Variants in CLEC4C observed in about 807,000 individuals in gnomAD.
CLEC4C encodes C-type lectin domain family 4 member C, also known as C-type (calcium dependent, carbohydrate-recognition domain) lectin, superfamily member 11.
CLEC4C carries 17 observed loss-of-function variants against 27.7 expected under a neutral mutation model. That is an observed-to-expected ratio of 0.61 (90% CI 0.42 to 0.92). The LOEUF is 0.92. CLEC4C is among the 40% of genes least tolerant of loss of function. The pLI, the probability that CLEC4C is intolerant of heterozygous loss-of-function variation, is 0.00. For missense variants in CLEC4C, 244 were observed against 257.3 expected, an observed-to-expected ratio of 0.95 and a Z score of 0.35; for synonymous variants, 80 against 80.8, an observed-to-expected ratio of 0.99 and a Z score of 0.06.
chr12:7,733,080 A>C (rs1864638972), intron 4 of CLEC4C, among the ~76,000 whole-genome samples: 1 of 152,032 alleles, frequency 6.6e-6, no homozygotes, highest in Non-Finnish European at 1.5e-5. Context: ...TACTACTGTG[A>C]GGAAGATAGT....
chr12:7,739,358 G>A (rs774455594), intron 3 of CLEC4C, among the ~76,000 whole-genome samples: 106 of 152,056 alleles, frequency 7.0e-4, no homozygotes, highest in African/African-American at 2.3e-3. Flanking sequence ...TGATCCGCCC[G>A]CCTCGGCCTC....
chr12:7,741,192 A>G (rs1191771722), intron 3 of CLEC4C, among the ~76,000 whole-genome samples: 3 of 152,056 alleles, frequency 2.0e-5, no homozygotes, highest in Non-Finnish European at 4.4e-5. Context: ...CTCAAACTCC[A>G]GACCCTCAGG....
upstream of CLEC4C, chr12:7,748,972 G>T (rs1865045010): frequency 6.6e-6 from 1 of 152,192 alleles, no homozygotes; most frequent in African/African-American, 2.4e-5. Context: ...ATCTAGATAA[G>T]AATTGGTAGA....
chr12:7,740,250 T>C (rs1451135563), intron 3 of CLEC4C, among the ~76,000 whole-genome samples: 2 of 152,102 alleles, frequency 1.3e-5, no homozygotes, highest in Admixed American at 6.6e-5. Flanking sequence ...AGCACTGGGA[T>C]TACAGATGTG....
chr12:7,744,009 G>A (rs7137970), intron 2 of CLEC4C, among the ~76,000 whole-genome samples: 33,217 of 152,070 alleles, frequency 0.22, 4,331 homozygotes, highest in Admixed American at 0.31. Context: ...GTGCAAGAGA[G>A]AGTGAGGGGG....
intron 2 of CLEC4C, 35 bp downstream of exon 2, chr12:7,746,296 A>C (rs991404599): frequency 8.4e-7 from 1 of 1,190,058 alleles, no homozygotes; most frequent in Non-Finnish European, 1.2e-6. Flanking sequence ...TGGGAAAAGG[A>C]CCAAGAGATG....
upstream of CLEC4C, chr12:7,749,530 G>C (rs934746069): frequency 4.6e-5 from 7 of 151,870 alleles, no homozygotes; most frequent in African/African-American, 1.5e-4. Context: ...ACTCCAGCCT[G>C]GGTGACAGAG....
intron 5 of CLEC4C, 60 bp from the exon 6 acceptor site, chr12:7,729,800 C>G: frequency 1.3e-6 from 2 of 1,515,604 alleles, no homozygotes; most frequent in Non-Finnish European, 1.8e-6. Flanking sequence ...AGGTTAGAGA[C>G]TGGGAGAGGG....
Position 7,729,822 on chromosome 12 carries a change from C to A in CLEC4C, c.498-82G>T. On this transcript the variant is annotated intron_variant, in intron 5 of 5. Coordinates refer to ENST00000360345, the MANE Select transcript of CLEC4C (RefSeq NM_001371390.1). ...AGACTGGGAGAGGGCTAGGGTTAAA[C>A]AGTGCGAAAGTCAAGGTCACGTCTA... The A allele has an allele frequency of 4.5e-6, 6 of 1,335,712 alleles. No homozygotes were observed. In the South Asian group the frequency reaches 7.8e-5, roughly 17 times the overall value. The allele number at this position is 1,335,712 out of a possible 1,614,324, so 82.7% of individuals were successfully genotyped here.
At chr12:7,736,176 G>A (rs1042522696) in intron 4 of CLEC4C, among the ~76,000 whole-genome samples, 9 of 152,040 alleles carry the variant, frequency 5.9e-5, no homozygotes, top group East Asian at 1.9e-4. Context: ...CCAGTTACTC[G>A]GGAAGCTGAG....
At chr12:7,749,318 C>T (rs1268568551), upstream of CLEC4C, 1 of 151,812 alleles carries the variant, frequency 6.6e-6, no homozygotes, top group East Asian at 1.9e-4. Flanking sequence ...CTTTGGGAGG[C>T]TGAGGTGGGC....
rs778896750 is a variant in CLEC4C at position 7,737,094 on chromosome 12, G to T, written c.381+335C>A. On this transcript the variant is annotated intron_variant, in intron 4 of 5. Transcript: ENST00000360345. ...AAAAATACAAAAATTAGCCAGGCGT[G>T]GCGGTACATGCCTATCCTCCCAGCT... Among the ~76,000 whole-genome samples, 9 of 152,014 alleles carry T rather than the reference G, an allele frequency of 5.9e-5. No individual in the cohort carries two copies. The South Asian group carries it at 1.9e-3, about 32-fold the overall frequency.
chr12:7,729,820 A>C (rs1289078548), intron 5 of CLEC4C, 80 bp from the exon 6 acceptor site: 2 of 1,335,512 alleles, frequency 1.5e-6, no homozygotes, highest in Non-Finnish European at 2.1e-6. Flanking sequence ...GCTAGGGTTA[A>C]ACAGTGCGAA....
At position 7,737,556 on chromosome 12, in the gene CLEC4C, G is replaced by T. The variant is rs772267983; in HGVS notation, c.254C>A (p.Thr85Asn). The change falls in exon 4 of 6, where the codon ACC becomes AAC. Residue 85 changes from threonine to asparagine, a missense_variant. Transcript: ENST00000360345. ...KDIEDWSCCP[T>N]PWTSFQSSCY... ...ACTAGACTGAAATGAAGTCCAAGGG[G>T]TTGGGCAGCAGCTCCAATCTTCCCA... 5 of 1,613,220 alleles carry T rather than the reference G, an allele frequency of 3.1e-6. No individual in the cohort carries two copies.
chr12:7,730,281 T>TTTGACATAG (rs1864565274), intron 5 of CLEC4C, among the ~76,000 whole-genome samples: 1 of 152,174 alleles, frequency 6.6e-6, no homozygotes, highest in Non-Finnish European at 1.5e-5. Flanking sequence ...TCCTTACGTA[T>TTTGACATAG]TTGACATAGT....
chr12:7,730,758 G>A, intron 5 of CLEC4C, 39 bp downstream of exon 5: 1 of 1,041,842 alleles, frequency 9.6e-7, no homozygotes, highest in Non-Finnish European at 1.5e-6. Flanking sequence ...ACCCCTACAT[G>A]ATCAGGACCC....
intron 5 of CLEC4C, among the ~76,000 whole-genome samples, chr12:7,730,458 T>C (rs1864570282): frequency 1.3e-5 from 2 of 152,106 alleles, no homozygotes; most frequent in Admixed American, 1.3e-4. Context: ...CTGGCCAACA[T>C]GGTGAAACCC....
At position 7,746,499 on chromosome 12, in the gene CLEC4C, C is replaced by T. The variant is rs760728566; in HGVS notation, c.32-76G>A. 842 of 876,072 alleles carry T rather than the reference C, an allele frequency of 9.6e-4. 5 individuals are homozygous for T. The highest frequency in any genetic ancestry group is 1.8e-4 in the Non-Finnish European group (98 of 534,964). 54.3% of individuals were successfully genotyped at this position (876,072 alleles called of 1,614,324 possible). A position where few individuals can be genotyped will look rare whatever the true frequency, so the allele number is the denominator to read the frequency against. ...GCCAGGAAACCAGAGTCCCAAAAATCTTAGAATAATAAAGTCAGGCTATGA... is the reference window on the plus strand; with the variant it reads ...GCCAGGAAACCAGAGTCCCAAAAATTTTAGAATAATAAAGTCAGGCTATGA... On this transcript the variant is annotated intron_variant, in intron 1 of 5. Coordinates refer to ENST00000360345, the MANE Select transcript of CLEC4C (RefSeq NM_001371390.1).
At chr12:7,739,772 G>T (rs781675811) in intron 3 of CLEC4C, among the ~76,000 whole-genome samples, 15 of 151,860 alleles carry the variant, frequency 9.9e-5, no homozygotes, top group Non-Finnish European at 2.2e-4. Context: ...CTCAACCTCC[G>T]GAGCTCAACT....
Sources: gnomAD v4.1 joint callset for allele counts (sites outside exome capture counted in the v4.1 genomes callset) on GRCh38, gnomAD v4.1.1 for gene constraint, MANE v1.5 for transcripts, NCBI Gene and HGNC (gene_info 2026-07-23, HGNC 2026-07-21) for gene names.